The following HOOK2 variants were observed in gnomAD, a reference collection of about 807,000 sequenced individuals.
The protein encoded by HOOK2 is hook microtubule tethering protein 2, also known as protein Hook homolog 2.
Under a neutral mutation model 111.9 loss-of-function variants are expected in HOOK2, and 108 were observed. The observed-to-expected ratio is 0.96, with a 90% CI of 0.83 to 1.13. The LOEUF (loss-of-function observed/expected upper bound fraction) is 1.13, where lower values mean the gene tolerates loss of function less well. Among genes scored for constraint, HOOK2 ranks in the 50% most tolerant of loss-of-function variants. The probability of loss-of-function intolerance (pLI) is 0.00; values close to 1 mark genes in which losing one functional copy is unlikely to be tolerated. For missense variants in HOOK2, 978 were observed against 951.3 expected, an observed-to-expected ratio of 1.03 and a Z score of -0.37; for synonymous variants, 405 against 394.3, an observed-to-expected ratio of 1.03 and a Z score of -0.32.
At position 12,763,168 on chromosome 19, in the gene HOOK2, G is replaced by T; in HGVS notation, c.*114C>A. On this transcript the variant is annotated 3_prime_UTR_variant, in exon 23 of 23. Transcript: ENST00000397668. ...CACCAATCTGGGAGAGGGAAGAGCA[G>T]AGATCATGGCCTCAAAGCTCTCGAG... is the stretch of plus-strand genomic sequence containing the variant. 1.2e-6 allele frequency: 1 copy of T among 833,598 alleles called. No individual in the cohort carries two copies. 51.6% of individuals were successfully genotyped at this position (833,598 alleles called of 1,614,324 possible). A position where few individuals can be genotyped will look rare whatever the true frequency, so the allele number is the denominator to read the frequency against.
intron 3 of HOOK2, chr19:12,792,221 C>T (rs753977029): frequency 6.5e-7 from 1 of 1,539,774 alleles, no homozygotes; most frequent in African/African-American, 1.4e-5. Context: ...ACAAGATGAA[C>T]CACGTGACAC....
rs1017160724 is a variant in HOOK2, at chr19:12,786,132, C to T, written n.42-11907G>A. Among the ~76,000 whole-genome samples the T allele has an allele frequency of 3.9e-5, 6 of 152,220 alleles. No individual in the cohort carries two copies. Among genetic ancestry groups the T allele is most frequent in the African/African-American group, 1.4e-4 (6 of 41,462 alleles). ...CTCTCCAGGAGAGGGGGCAAAGGAC[C>T]CCCAAACCACAGAGGTGGGAGAGGG... On this transcript the variant is annotated intron_variant and non_coding_transcript_variant, in intron 3 of 3. Coordinates refer to the HOOK2 transcript ENST00000589765. The surrounding 1 kb of genome is among the most constrained non-coding windows in gnomAD (Gnocchi z 4.3).
upstream of HOOK2, among the ~76,000 whole-genome samples, chr19:12,782,737 G>T (rs1399285533): frequency 6.6e-6 from 1 of 152,192 alleles, no homozygotes; most frequent in Non-Finnish European, 1.5e-5. Context: ...ACCTTGGGGC[G>T]CCGGTGAAAC....
chr19:12,766,071 T>C (rs1161332521), intron 15 of HOOK2, 32 bp downstream of exon 15: 2 of 1,604,898 alleles, frequency 1.2e-6, no homozygotes, highest in African/African-American at 2.7e-5. Context: ...CCTCTGTCCC[T>C]GCTCCGCGCA....
chr19:12,769,951 G>A lies in HOOK2; in HGVS notation c.1034C>T (p.Thr345Met), dbSNP rs751931699. Reference protein sequence around the residue: ...EERNAGHAERTRQLEDELRRA... With the variant: ...EERNAGHAERMRQLEDELRRA... ...GCGTAGCTCATCCTCCAGTTGTCGC[G>A]TGCGCTCGGCGTGGCCGGCGTTGCG... is the stretch of plus-strand genomic sequence containing the variant. The change falls in exon 11 of 23, where the codon ACG (threonine) becomes ATG (methionine). Residue 345 changes from threonine (T) to methionine (M), a missense_variant. Coordinates refer to ENST00000397668, the MANE Select transcript of HOOK2 (RefSeq NM_013312.3). 2.1e-5 allele frequency: 32 copies of A among 1,557,370 alleles called. No individual in the cohort carries two copies. Among genetic ancestry groups the A allele is most frequent in the Non-Finnish European group, 2.8e-5 (32 of 1,158,716 alleles).
intron 3 of HOOK2, among the ~76,000 whole-genome samples, chr19:12,783,979 C>G (rs904048513): frequency 3.3e-5 from 5 of 151,858 alleles, no homozygotes; most frequent in African/African-American, 9.7e-5. Context: ...CTCCCCGCCC[C>G]CCACCCTCAT....
Position 12,771,310 on chromosome 19 carries a change from G to A in HOOK2, c.610C>T (p.Leu204=). 6.2e-7 allele frequency: 1 copy of A among 1,603,902 alleles called. No individual in the cohort carries two copies. The highest frequency in any genetic ancestry group is 8.5e-7 in the Non-Finnish European group (1 of 1,174,802). The change falls in exon 9 of 23, where the codon CTG becomes TTG. Residue 204 remains leucine (L), a synonymous_variant. Coordinates refer to ENST00000397668, the MANE Select transcript of HOOK2 (RefSeq NM_013312.3). Reference sequence around the variant, plus strand: ...GCCAGGCTCTGCTTCTCCTCTGACAGGAGCATCAGCTGCGGGCAGGGCAGA... The same window carrying A: ...GCCAGGCTCTGCTTCTCCTCTGACAAGAGCATCAGCTGCGGGCAGGGCAGA... ...CLDLERQLML[L]SEEKQSLAQE...
At chr19:12,781,361 C>G (rs1381177454), upstream of HOOK2, among the ~76,000 whole-genome samples, 2 of 151,300 alleles carry the variant, frequency 1.3e-5, no homozygotes, top group African/African-American at 4.9e-5. Context: ...GAGTCTCGCT[C>G]TGTCGCCCAG....
chr19:12,776,333 C>T (rs1968508488), upstream of HOOK2, among the ~76,000 whole-genome samples: 2 of 151,334 alleles, frequency 1.3e-5, no homozygotes, highest in South Asian at 4.2e-4. Context: ...TTTTGGGAGG[C>T]CTAGGAGGGA....
upstream of HOOK2, among the ~76,000 whole-genome samples, chr19:12,783,284 C>T (rs536935407): frequency 1.1e-3 from 160 of 151,956 alleles, no homozygotes; most frequent in Middle Eastern, 3.4e-3. Flanking sequence ...GGGCCAGCGA[C>T]TCCCCTTAGC....
At chr19:12,772,388 C>A in intron 6 of HOOK2, 136 bp from the exon 7 acceptor site, 1 of 1,090,864 alleles carries the variant, frequency 9.2e-7, no homozygotes, top group Non-Finnish European at 1.4e-6. Context: ...CCAGAGGCTG[C>A]CCTCCTGCCT....
chr19:12,767,194 G>T (rs538515450), intron 14 of HOOK2, among the ~76,000 whole-genome samples: 8 of 152,316 alleles, frequency 5.3e-5, no homozygotes, highest in African/African-American at 1.9e-4. Flanking sequence ...TGTGTACTAA[G>T]GATAGACCCT....
In HOOK2 at chr19:12,769,885, C is replaced by A. The variant is rs756141152; in HGVS notation, c.1100G>T (p.Arg367Leu). ...SLRAQLEAQR[R>L]QVQELQGQRQ... The stretch of plus-strand genomic sequence containing the variant: ...CTAACCCCGCCCCCGCCGCACCTGC[C>A]GCCGCTGCGCCTCCAGCTGGGCGCG... The change falls in exon 11 of 23, where the codon CGG (arginine) becomes CTG (leucine). Residue 367 changes from arginine to leucine, a missense_variant. Coordinates refer to ENST00000397668, the MANE Select transcript of HOOK2 (RefSeq NM_013312.3). 7.6e-6 allele frequency: 11 copies of A among 1,454,240 alleles called. No homozygotes were observed. Among genetic ancestry groups the A allele is most frequent in the African/African-American group, 4.5e-5 (3 of 67,288 alleles). The allele number at this position is 1,454,240 out of a possible 1,614,324, so 90.1% of individuals were successfully genotyped here. A position where few individuals can be genotyped will look rare whatever the true frequency, so the allele number is the denominator to read the frequency against.
chr19:12,765,901 G>T, intron 16 of HOOK2, 26 bp downstream of exon 16: 1 of 1,613,170 alleles, frequency 6.2e-7, no homozygotes, highest in South Asian at 1.1e-5. Context: ...GGAGGGCCAG[G>T]CTGGGAGGTG....
At chr19:12,777,445 A>G (rs1445268095), upstream of HOOK2, among the ~76,000 whole-genome samples, 5 of 152,190 alleles carry the variant, frequency 3.3e-5, no homozygotes, top group Admixed American at 1.3e-4. Context: ...GCGCCACTGC[A>G]CTCCAGCCTG....
At chr19:12,770,663 G>C (rs530429591) in intron 10 of HOOK2, among the ~76,000 whole-genome samples, 1 of 135,558 alleles carries the variant, frequency 7.4e-6, no homozygotes, top group Non-Finnish European at 1.6e-5. Context: ...GTTTTGGGGG[G>C]CCACAGGGAT....
intron 3 of HOOK2, chr19:12,792,258 G>C: frequency 6.7e-7 from 1 of 1,497,284 alleles, no homozygotes; most frequent in Non-Finnish European, 8.9e-7. Flanking sequence ...GGGCGCTACC[G>C]GGGGGCCCCC....
rs968196415 is a variant in HOOK2 at position 12,769,879 on chromosome 19, A to C, written c.1104+2T>G. ...CCGGCCCTAACCCCGCCCCCGCCGC[A>C]CCTGCCGCCGCTGCGCCTCCAGCTG... On this transcript the variant is annotated splice_donor_variant, in intron 11 of 22. Coordinates refer to ENST00000397668, the MANE Select transcript of HOOK2 (RefSeq NM_013312.3). LOFTEE classifies it high-confidence loss of function. 2 of 1,443,554 alleles carry C rather than the reference A, an allele frequency of 1.4e-6. No homozygotes were observed. The highest frequency in any genetic ancestry group is 1.8e-6 in the Non-Finnish European group (2 of 1,108,218). 89.4% of individuals were successfully genotyped at this position (1,443,554 alleles called of 1,614,324 possible). A position where few individuals can be genotyped will look rare whatever the true frequency, so the allele number is the denominator to read the frequency against.
intron 20 of HOOK2, 50 bp from the exon 21 acceptor site, chr19:12,763,828 T>G: frequency 8.4e-7 from 1 of 1,196,624 alleles, no homozygotes; most frequent in Non-Finnish European, 1.2e-6. Context: ...TGAAACCCCC[T>G]GGGACATACT....
Sources: gnomAD v4.1 joint callset for allele counts (sites outside exome capture counted in the v4.1 genomes callset) on GRCh38, gnomAD v4.1.1 for gene constraint, Gnocchi (gnomAD v3.1) non-coding constraint, MANE v1.5 for transcripts, NCBI Gene and HGNC (gene_info 2026-07-23, HGNC 2026-07-21) for gene names.